Variants in RPS6KA2 observed in about 807,000 individuals in gnomAD.
RPS6KA2 encodes the protein ribosomal protein S6 kinase alpha-2.
A neutral mutation model predicts 91.8 loss-of-function variants in RPS6KA2; 42 were observed. That is an observed-to-expected ratio of 0.46 (90% CI 0.36 to 0.59). The LOEUF (loss-of-function observed/expected upper bound fraction) is 0.59, where lower values mean the gene tolerates loss of function less well. Ranked by LOEUF, RPS6KA2 falls within the 20% of genes least tolerant of loss-of-function variation. The probability of loss-of-function intolerance (pLI) is 0.00; values close to 1 mark genes in which losing one functional copy is unlikely to be tolerated. For missense variants in RPS6KA2, 798 were observed against 978.5 expected (o/e 0.82, Z 2.46); for synonymous variants, 414 against 393.6 (o/e 1.05, Z -0.61).
chr6:166,516,147 C>G (rs1782636022), intron 3 of RPS6KA2, among the ~76,000 whole-genome samples: 2 of 152,210 alleles, frequency 1.3e-5, no homozygotes, highest in Admixed American at 1.3e-4. Context: ...TTGGCATAAA[C>G]TTTTTAAATT....
rs536277632 is a variant in RPS6KA2 at position 166,572,487 on chromosome 6, T to C, written c.100-33703A>G. Among the ~76,000 whole-genome samples the C allele has an allele frequency of 2.0e-5, 3 of 152,362 alleles. No homozygotes were observed. The East Asian group carries it at 5.8e-4, about 29-fold the overall frequency. On this transcript the variant is annotated intron_variant, in intron 1 of 20. Coordinates refer to ENST00000265678, the MANE Select transcript of RPS6KA2 (RefSeq NM_021135.6). The stretch of plus-strand genomic sequence containing the variant: ...TCAATTTCTGCAGAAACCACACAAG[T>C]GGCTGGTGACGTATTTAGCTCTTTC...
At chr6:166,630,098 G>A (rs535435268), upstream of RPS6KA2, among the ~76,000 whole-genome samples, 33 of 152,312 alleles carry the variant, frequency 2.2e-4, 1 homozygote, top group African/African-American at 7.5e-4. Flanking sequence ...AAGAAGATGA[G>A]GGAATAAGTT....
At chr6:166,775,807 G>C (rs550938305) in intron 2 of RPS6KA2, among the ~76,000 whole-genome samples, 36 of 152,278 alleles carry the variant, frequency 2.4e-4, no homozygotes, top group Non-Finnish European at 4.8e-4. Flanking sequence ...TGAGCTCTGG[G>C]ATTCCACGGC....
chr6:166,413,687 G>A (rs1193015535), intron 20 of RPS6KA2, 107 bp downstream of exon 20: 2 of 1,212,700 alleles, frequency 1.6e-6, no homozygotes, highest in South Asian at 1.5e-5. Context: ...GCTGCTATGG[G>A]CTCTTTCTCT....
At chr6:166,781,828 C>T (rs887262210) in intron 2 of RPS6KA2, among the ~76,000 whole-genome samples, 2 of 152,176 alleles carry the variant, frequency 1.3e-5, no homozygotes, top group Non-Finnish European at 2.9e-5. Flanking sequence ...TCCCTCAGAG[C>T]CGACTATGGG....
chr6:166,740,007 C>T (rs750478622), intron 2 of RPS6KA2, among the ~76,000 whole-genome samples: 6 of 152,208 alleles, frequency 3.9e-5, no homozygotes, highest in Non-Finnish European at 7.3e-5. Flanking sequence ...GGACACCTAC[C>T]AGGGCTAGGC....
At chr6:166,789,567 C>T (rs945923144) in intron 2 of RPS6KA2, among the ~76,000 whole-genome samples, 15 of 152,254 alleles carry the variant, frequency 9.9e-5, no homozygotes, top group African/African-American at 3.4e-4. Context: ...ACTGCCTCCT[C>T]AAGTGGGTCC....
chr6:166,781,369 C>T (rs1307860343), intron 2 of RPS6KA2, among the ~76,000 whole-genome samples: 1 of 152,218 alleles, frequency 6.6e-6, no homozygotes, highest in African/African-American at 2.4e-5. Context: ...CCTCACACCC[C>T]CTGGCGTGCT....
intron 11 of RPS6KA2, among the ~76,000 whole-genome samples, chr6:166,461,996 G>A (rs940170568): frequency 7.2e-5 from 11 of 152,360 alleles, no homozygotes; most frequent in African/African-American, 2.2e-4. Context: ...CTGTGTGACC[G>A]CTGCAGGCTC....
At chr6:166,575,780 T>C (rs573018492) in intron 1 of RPS6KA2, among the ~76,000 whole-genome samples, 1 of 152,288 alleles carries the variant, frequency 6.6e-6, no homozygotes, top group South Asian at 2.1e-4. Flanking sequence ...ATGGATTGGT[T>C]TGGAAGAATA....
chr6:166,728,329 C>T (rs4612141), intron 2 of RPS6KA2, among the ~76,000 whole-genome samples: 11,734 of 152,252 alleles, frequency 0.077, 752 homozygotes, highest in African/African-American at 0.17. Flanking sequence ...CCAGGTTCCA[C>T]GTGGTGTGGG....
At chr6:166,620,338 A>C (rs1052417943) in intron 1 of RPS6KA2, among the ~76,000 whole-genome samples, 5 of 152,136 alleles carry the variant, frequency 3.3e-5, no homozygotes, top group Admixed American at 6.5e-5. Context: ...AGAAGAAACA[A>C]TTCTTTTCTC....
chr6:166,840,035 A>C (rs935684054), intron 2 of RPS6KA2, among the ~76,000 whole-genome samples: 1 of 152,170 alleles, frequency 6.6e-6, no homozygotes, highest in Non-Finnish European at 1.5e-5. Context: ...TAACATAAAA[A>C]ATAGATGCCA....
intron 1 of RPS6KA2, among the ~76,000 whole-genome samples, chr6:166,567,751 T>C (rs540746038): frequency 6.6e-6 from 1 of 152,304 alleles, no homozygotes; most frequent in African/African-American, 2.4e-5. Flanking sequence ...CTGGAAAACC[T>C]GTTCGGAGGA....
chr6:166,418,099 A>T lies in RPS6KA2; in HGVS notation c.1938+126T>A. 1.4e-6 allele frequency: 1 copy of T among 715,694 alleles called. No individual in the cohort carries two copies. The highest frequency in any genetic ancestry group is 2.6e-5 in the East Asian group (1 of 38,080). The allele number at this position is 715,694 out of a possible 1,614,324, so 44.3% of individuals were successfully genotyped here. A position where few individuals can be genotyped will look rare whatever the true frequency, so the allele number is the denominator to read the frequency against. ...AGCGAGACTCCATTTCAAGAAAAAA[A>T]AAAAAATATGCTGAGGATAAAATAC... On this transcript the variant is annotated intron_variant, in intron 19 of 20. Transcript: ENST00000265678. The surrounding 1 kb of genome is among the most constrained non-coding windows in gnomAD (Gnocchi z 4.9).
intron 2 of RPS6KA2, among the ~76,000 whole-genome samples, chr6:166,664,943 G>A (rs1788272843): frequency 1.3e-5 from 2 of 152,228 alleles, no homozygotes; most frequent in East Asian, 1.9e-4. Flanking sequence ...TGGAAGTTGA[G>A]GATAAGAGAA....
chr6:166,497,134 G>T (rs1781813945), intron 8 of RPS6KA2, among the ~76,000 whole-genome samples: 1 of 152,232 alleles, frequency 6.6e-6, no homozygotes, highest in Non-Finnish European at 1.5e-5. Flanking sequence ...GGTCTCAGAG[G>T]GGTGACCGTG....
intron 2 of RPS6KA2, among the ~76,000 whole-genome samples, chr6:166,777,011 A>G (rs11967610): frequency 0.011 from 1,683 of 152,142 alleles, 29 homozygotes; most frequent in African/African-American, 0.035. Context: ...TAAGCCCATC[A>G]CCCATTTTTT....
chr6:166,768,596 T>G (rs543788446), intron 2 of RPS6KA2, among the ~76,000 whole-genome samples: 1 of 152,112 alleles, frequency 6.6e-6, no homozygotes, highest in Admixed American at 6.5e-5. Context: ...TTAAAAAATA[T>G]GTACAGAGAG....
Sources: gnomAD v4.1 joint callset for allele counts (sites outside exome capture counted in the v4.1 genomes callset) on GRCh38, gnomAD v4.1.1 for gene constraint, Gnocchi (gnomAD v3.1) non-coding constraint, MANE v1.5 for transcripts, NCBI Gene and HGNC (gene_info 2026-07-23, HGNC 2026-07-21) for gene names.